SETDB2: variants seen among roughly 807,000 people sequenced by gnomAD.
SETDB2 encodes the protein histone-lysine N-methyltransferase SETDB2.
In SETDB2, 56 loss-of-function variants were observed where a neutral mutation model predicts 82.5. That is an observed-to-expected ratio of 0.68 (90% CI 0.55 to 0.85). The LOEUF (loss-of-function observed/expected upper bound fraction) is 0.85, where lower values mean the gene tolerates loss of function less well. Ranked by LOEUF, SETDB2 falls within the 40% of genes least tolerant of loss-of-function variation. SETDB2 has a pLI of 0.00. For missense variants in SETDB2, 677 were observed against 816.4 expected (o/e 0.83, Z 2.08); for synonymous variants, 272 against 284.9 (o/e 0.95, Z 0.46).
At chr13:49,479,142 G>A (rs747054423) in intron 6 of SETDB2, among the ~76,000 whole-genome samples, 19 of 152,156 alleles carry the variant, frequency 1.2e-4, no homozygotes, top group Admixed American at 2.6e-4. Context: ...GTATATAAAA[G>A]CATAAAGGAT....
chr13:49,476,331 A>C (rs886328739), intron 5 of SETDB2, 145 bp from the exon 6 acceptor site: 1 of 638,436 alleles, frequency 1.6e-6, no homozygotes, highest in African/African-American at 1.9e-5. Context: ...TAATCTTTGT[A>C]TGGCTGTAGA....
At chr13:49,468,471 T>A (rs189650620) in intron 5 of SETDB2, among the ~76,000 whole-genome samples, 1 of 151,990 alleles carries the variant, frequency 6.6e-6, no homozygotes, top group African/African-American at 2.4e-5. Context: ...ATCTAGATAC[T>A]CTGACACGTA....
chr13:49,480,388 A>T, intron 7 of SETDB2, 53 bp downstream of exon 7: 1 of 1,126,040 alleles, frequency 8.9e-7, no homozygotes. Context: ...GAAGGTGGGT[A>T]CTTTTTATTG....
At chr13:49,446,510 G>A (rs149170173) in intron 1 of SETDB2, 69 of 384,624 alleles carry the variant, frequency 1.8e-4, no homozygotes, top group Middle Eastern at 7.3e-4. Flanking sequence ...TTCTATATAG[G>A]TGAATATATA....
chr13:49,460,280 C>T, intron 3 of SETDB2, 48 bp downstream of exon 3: 1 of 1,572,782 alleles, frequency 6.4e-7, no homozygotes, highest in Non-Finnish European at 8.6e-7. Flanking sequence ...AAATATTTCT[C>T]TCTGACAGTA....
chr13:49,492,397 C>A lies in SETDB2; in HGVS notation c.*548C>A. 1 of 154,954 alleles carries A rather than the reference C, an allele frequency of 6.5e-6. No homozygotes were observed. Among genetic ancestry groups the A allele is most frequent in the Non-Finnish European group, 1.4e-5 (1 of 69,856 alleles). The allele number at this position is 154,954 out of a possible 1,614,324, so 9.6% of individuals were successfully genotyped here. On this transcript the variant is annotated 3_prime_UTR_variant, in exon 14 of 14. Transcript: ENST00000611815. ...AAGCAATATCTGGATCGATAAAACA[C>A]TGTCCCATCAACCATTTGAGTGGGG...
intron 1 of SETDB2, among the ~76,000 whole-genome samples, chr13:49,449,469 T>C (rs181105134): frequency 9.9e-4 from 151 of 152,322 alleles, no homozygotes; most frequent in African/African-American, 3.5e-3. Context: ...CAGGCTGGTC[T>C]TGAACTCCTG....
rs922809196 is a variant in SETDB2, at chr13:49,494,218, C to T, written c.*2369C>T. On this transcript the variant is annotated 3_prime_UTR_variant, in exon 14 of 14. Coordinates refer to ENST00000611815, the MANE Select transcript of SETDB2 (RefSeq NM_001160308.3). ...TAAGAGCTCCCCTTCTCCGAATATT[C>T]TTTTTTTTTAATAGCATCCTATTTT... is the stretch of plus-strand genomic sequence containing the variant. 7.9e-5 allele frequency: 12 copies of T among 151,364 alleles called. No individual in the cohort carries two copies. The highest frequency in any genetic ancestry group is 1.2e-4 in the Non-Finnish European group (8 of 67,850). 9.4% of individuals were successfully genotyped at this position (151,364 alleles called of 1,614,324 possible).
intron 11 of SETDB2, among the ~76,000 whole-genome samples, chr13:49,486,413 A>G (rs1958599378): frequency 1.3e-5 from 2 of 152,220 alleles, no homozygotes; most frequent in South Asian, 4.1e-4. Flanking sequence ...AGACCACCAC[A>G]TGGCCAGCAA....
intron 1 of SETDB2, among the ~76,000 whole-genome samples, chr13:49,448,392 T>C (rs1957731067): frequency 6.6e-6 from 1 of 152,194 alleles, no homozygotes; most frequent in Non-Finnish European, 1.5e-5. Flanking sequence ...TTTAAGTCAA[T>C]ATTTTCATTT....
At chr13:49,448,486 C>T (rs1957732739) in intron 1 of SETDB2, among the ~76,000 whole-genome samples, 1 of 152,178 alleles carries the variant, frequency 6.6e-6, no homozygotes, top group African/African-American at 2.4e-5. Flanking sequence ...TGTATTACTT[C>T]AACCGATCAC....
In SETDB2 at chr13:49,493,304, T is replaced by C. The variant is rs1958746894; in HGVS notation, c.*1455T>C. On this transcript the variant is annotated 3_prime_UTR_variant, in exon 14 of 14. Coordinates refer to ENST00000611815, the MANE Select transcript of SETDB2 (RefSeq NM_001160308.3). ...AAATGGGGGAAAAAAGCTTGATCAG[T>C]ATGGGAACCATTTTTGTGCAAAAGG... 1 of 152,226 alleles carries C rather than the reference T, an allele frequency of 6.6e-6. No homozygotes were observed. The highest frequency in any genetic ancestry group is 2.4e-5 in the African/African-American group (1 of 41,454). 9.4% of individuals were successfully genotyped at this position (152,226 alleles called of 1,614,324 possible). A position where few individuals can be genotyped will look rare whatever the true frequency, so the allele number is the denominator to read the frequency against.
intron 5 of SETDB2, among the ~76,000 whole-genome samples, chr13:49,471,272 C>T (rs1301313964): frequency 6.6e-6 from 1 of 152,088 alleles, no homozygotes; most frequent in Non-Finnish European, 1.5e-5. Context: ...CCACCACACC[C>T]AGCCAGTATT....
intron 5 of SETDB2, among the ~76,000 whole-genome samples, chr13:49,468,325 C>T (rs1467399389): frequency 2.0e-5 from 3 of 152,040 alleles, no homozygotes; most frequent in African/African-American, 7.2e-5. Flanking sequence ...GTTGAGTTTT[C>T]AAAATGCGTA....
intron 12 of SETDB2, among the ~76,000 whole-genome samples, chr13:49,490,493 A>G (rs1958690926): frequency 6.6e-6 from 1 of 152,204 alleles, no homozygotes; most frequent in Non-Finnish European, 1.5e-5. Context: ...ACACATGGAA[A>G]CATATACAGA....
At chr13:49,490,578 A>G (rs1338442408) in intron 12 of SETDB2, among the ~76,000 whole-genome samples, 1 of 152,222 alleles carries the variant, frequency 6.6e-6, no homozygotes, top group African/African-American at 2.4e-5. Context: ...AATGATAAAT[A>G]TTGACATATT....
At position 49,482,772 on chromosome 13, in the gene SETDB2, T is replaced by A; in HGVS notation, c.1192T>A (p.Tyr398Asn). The change falls in exon 9 of 14, where the codon TAT becomes AAT. Residue 398 changes from tyrosine (Y) to asparagine (N), a missense_variant. Tyr to Asn is a moderately radical substitution (Grantham distance 143). Coordinates refer to ENST00000611815, the MANE Select transcript of SETDB2 (RefSeq NM_001160308.3). ...AAGCAGAGCTAACACTGAAAAATCT[T>A]ATGGTATTGATGAAAACGGGAGAGA... Reference protein sequence around the residue: ...LLSRANTEKSYGIDENGRDEN... With the variant: ...LLSRANTEKSNGIDENGRDEN... The A allele has an allele frequency of 6.2e-7, 1 of 1,612,356 alleles. No homozygotes were observed. Among genetic ancestry groups the A allele is most frequent in the Non-Finnish European group, 8.5e-7 (1 of 1,178,856 alleles).
Position 49,493,204 on chromosome 13 carries a change from C to T in SETDB2, c.*1355C>T, listed in dbSNP as rs904585320. 1 of 152,096 alleles carries T rather than the reference C, an allele frequency of 6.6e-6. No homozygotes were observed. Among genetic ancestry groups the T allele is most frequent in the Non-Finnish European group, 1.5e-5 (1 of 68,016 alleles). The allele number at this position is 152,096 out of a possible 1,614,324, so 9.4% of individuals were successfully genotyped here. On this transcript the variant is annotated 3_prime_UTR_variant, in exon 14 of 14. Coordinates refer to ENST00000611815, the MANE Select transcript of SETDB2 (RefSeq NM_001160308.3). ...AAGGAGCAAAACATAGCCCAGCAACCTACAGATGAAGAAAGTTGAGAAATC... is the reference window on the plus strand; with the variant it reads ...AAGGAGCAAAACATAGCCCAGCAACTTACAGATGAAGAAAGTTGAGAAATC...
intron 8 of SETDB2, chr13:49,482,352 G>A: frequency 1.0e-6 from 1 of 983,758 alleles, no homozygotes; most frequent in African/African-American, 1.7e-5. Context: ...AGGTACTTTT[G>A]TTAAAAATTT....
Sources: gnomAD v4.1 joint callset for allele counts (sites outside exome capture counted in the v4.1 genomes callset) on GRCh38, gnomAD v4.1.1 for gene constraint, MANE v1.5 for transcripts, NCBI Gene and HGNC (gene_info 2026-07-23, HGNC 2026-07-21) for gene names.